The following EBF2 variants were observed in gnomAD, a reference collection of about 807,000 sequenced individuals.
EBF2 encodes transcription factor COE2.
A neutral mutation model predicts 72.8 loss-of-function variants in EBF2; 21 were observed. That is an observed-to-expected ratio of 0.29 (90% confidence interval 0.20 to 0.42). The LOEUF is 0.42. Ranked by LOEUF, EBF2 falls within the 10% of genes least tolerant of loss-of-function variation. The pLI is 1.00. For missense variants in EBF2, 637 were observed against 731.2 expected, an observed-to-expected ratio of 0.87 and a Z score of 1.49; for synonymous variants, 299 against 274.2, an observed-to-expected ratio of 1.09 and a Z score of -0.89.
At chr8:25,972,056 A>G (rs962225585) in intron 6 of EBF2, among the ~76,000 whole-genome samples, 6 of 152,178 alleles carry the variant, frequency 3.9e-5, no homozygotes, top group African/African-American at 1.4e-4. Flanking sequence ...TCCAGCTGAC[A>G]AGAGACAAGC....
In EBF2 at chr8:25,842,574, A is replaced by G. The variant is rs941965637; in HGVS notation, c.*2035T>C. The stretch of plus-strand genomic sequence containing the variant: ...TCCACACATTCTTCCCCTTCCATCA[A>G]TCAGGTTTCTCACTGGGGGACTTTT... On this transcript the variant is annotated 3_prime_UTR_variant, in exon 16 of 16. Coordinates refer to ENST00000520164, the MANE Select transcript of EBF2 (RefSeq NM_022659.4). 2.6e-5 allele frequency: 4 copies of G among 152,256 alleles called. No individual in the cohort carries two copies. The highest frequency in any genetic ancestry group is 7.2e-5 in the African/African-American group (3 of 41,564). The allele number at this position is 152,256 out of a possible 1,614,324, so 9.4% of individuals were successfully genotyped here. A position where few individuals can be genotyped will look rare whatever the true frequency, so the allele number is the denominator to read the frequency against.
At chr8:25,995,609 AAATG>A (rs1443685830) in intron 6 of EBF2, among the ~76,000 whole-genome samples, 1 of 152,146 alleles carries the variant, frequency 6.6e-6, no homozygotes, top group African/African-American at 2.4e-5. Flanking sequence ...TGCACACTGA[AAATG>A]AATGAATTTT....
At chr8:25,950,505 C>T (rs866777612) in intron 6 of EBF2, among the ~76,000 whole-genome samples, 5 of 152,194 alleles carry the variant, frequency 3.3e-5, no homozygotes, top group South Asian at 2.1e-4. Flanking sequence ...ATACCCAGGC[C>T]GCCACTGGCC....
At chr8:25,999,726 A>C (rs1377508751) in intron 6 of EBF2, among the ~76,000 whole-genome samples, 1 of 140,834 alleles carries the variant, frequency 7.1e-6, no homozygotes, top group African/African-American at 2.7e-5. Context: ...CCTCCCTTCC[A>C]TTTTCTCTTT....
At chr8:25,903,496 C>A (rs1187676633) in intron 7 of EBF2, among the ~76,000 whole-genome samples, 1 of 151,858 alleles carries the variant, frequency 6.6e-6, no homozygotes, top group Non-Finnish European at 1.5e-5. Context: ...GAAATCGAGA[C>A]CATCCTGGCT....
intron 10 of EBF2, among the ~76,000 whole-genome samples, chr8:25,868,336 C>A (rs1474043076): frequency 6.6e-6 from 1 of 152,184 alleles, no homozygotes; most frequent in African/African-American, 2.4e-5. Context: ...ATGGGCAATG[C>A]TTTAATGTCT....
At chr8:25,935,476 G>T (rs1803562959) in intron 6 of EBF2, among the ~76,000 whole-genome samples, 2 of 152,170 alleles carry the variant, frequency 1.3e-5, no homozygotes, top group African/African-American at 2.4e-5. Context: ...ACTGGGGAGG[G>T]AGGCACAGAA....
intron 15 of EBF2, among the ~76,000 whole-genome samples, chr8:25,846,042 C>G (rs1801826013): frequency 6.6e-6 from 1 of 152,094 alleles, no homozygotes; most frequent in Non-Finnish European, 1.5e-5. Flanking sequence ...CCCATATAGC[C>G]TTTATTGAAT....
At chr8:25,956,634 A>G (rs11779334) in intron 6 of EBF2, among the ~76,000 whole-genome samples, 38,989 of 152,038 alleles carry the variant, frequency 0.26, 5,104 homozygotes, top group Middle Eastern at 0.28. Flanking sequence ...GTCCATGTGT[A>G]CAAGTTATTT....
intron 2 of EBF2, chr8:26,041,349 C>A: frequency 3.3e-6 from 1 of 298,702 alleles, no homozygotes; most frequent in East Asian, 6.9e-5. Context: ...TTAGGAAGCC[C>A]CAAGGCTTCC....
intron 6 of EBF2, among the ~76,000 whole-genome samples, chr8:25,960,510 G>A (rs1804018607): frequency 6.6e-6 from 1 of 152,190 alleles, no homozygotes; most frequent in African/African-American, 2.4e-5. Flanking sequence ...TATTGAATGA[G>A]GGATTAAAAT....
At chr8:25,894,257 G>C (rs1802830518) in intron 7 of EBF2, among the ~76,000 whole-genome samples, 2 of 152,174 alleles carry the variant, frequency 1.3e-5, no homozygotes, top group Non-Finnish European at 2.9e-5. Flanking sequence ...CATTATACAG[G>C]TGAAGATATA....
At chr8:25,905,423 A>C (rs1383796441) in intron 7 of EBF2, among the ~76,000 whole-genome samples, 3 of 152,212 alleles carry the variant, frequency 2.0e-5, no homozygotes, top group Non-Finnish European at 4.4e-5. Context: ...AATAGCCAAA[A>C]AGTGAGACAA....
chr8:25,997,307 ACACTTGTAATCCTAG>A lies in EBF2; in HGVS notation c.551+35763_551+35777del, dbSNP rs1804649383. Among the ~76,000 whole-genome samples, 8 of 152,360 alleles carry A rather than the reference ACACTTGTAATCCTAG, an allele frequency of 5.3e-5. 1 individual carries two copies. The South Asian group carries it at 1.7e-3, about 32-fold the overall frequency. ...AAAATTAGGCCAGGCATTGTGGCTC[ACACTTGTAATCCTAG>A]CACTTTGGGAGGCCAAGGCAGGCAG... is the stretch of plus-strand genomic sequence containing the variant. On this transcript the variant is annotated intron_variant, in intron 6 of 15. Transcript: ENST00000520164.
chr8:26,007,438 T>C (rs1389369989), intron 6 of EBF2, among the ~76,000 whole-genome samples: 2 of 152,206 alleles, frequency 1.3e-5, no homozygotes, highest in Non-Finnish European at 2.9e-5. Flanking sequence ...TGTCATTTAC[T>C]GCTTGTTCTC....
At chr8:25,846,074 G>GTCTT (rs1801827003) in intron 15 of EBF2, among the ~76,000 whole-genome samples, 1 of 152,034 alleles carries the variant, frequency 6.6e-6, no homozygotes, top group South Asian at 2.1e-4. Flanking sequence ...CTGGATTAAG[G>GTCTT]TCTTACACAG....
intron 13 of EBF2, 86 bp downstream of exon 13, chr8:25,860,963 T>C (rs1802201899): frequency 1.3e-6 from 2 of 1,497,694 alleles, no homozygotes; most frequent in Non-Finnish European, 1.9e-6. Context: ...TGTTGGACCA[T>C]TATGACCCAA....
rs771212349 is a variant in EBF2, at chr8:25,925,788, C to T, written c.552-17233G>A. ...GTGGGGCCTCAAATCCCTTCACAGC[C>T]GATCTGGGGCAAAGGAAAAAGCATT... On this transcript the variant is annotated intron_variant, in intron 6 of 15. Coordinates refer to ENST00000520164, the MANE Select transcript of EBF2 (RefSeq NM_022659.4). Among the ~76,000 whole-genome samples the T allele has an allele frequency of 2.3e-4, 35 of 152,012 alleles. 1 individual carries two copies. Among genetic ancestry groups the T allele is most frequent in the Non-Finnish European group, 2.1e-4 (14 of 68,004 alleles).
intron 6 of EBF2, among the ~76,000 whole-genome samples, chr8:25,966,924 C>T (rs1248720727): frequency 6.6e-6 from 1 of 152,206 alleles, no homozygotes; most frequent in Non-Finnish European, 1.5e-5. Flanking sequence ...TAGACTGTCA[C>T]TAGAGGGCCT....
Sources: allele counts gnomAD v4.1 joint callset (sites outside exome capture counted in the v4.1 genomes callset), GRCh38; gene constraint gnomAD v4.1.1; transcripts MANE v1.5; gene names NCBI Gene and HGNC (gene_info 2026-07-23, HGNC 2026-07-21).